The following NLGN1 variants were observed in gnomAD, a reference collection of about 807,000 sequenced individuals.
The protein encoded by NLGN1 is neuroligin 1, also known as neuroligin-1.
A neutral mutation model predicts 65.5 loss-of-function variants in NLGN1; 12 were observed. The observed-to-expected ratio is 0.18, with a 90% CI of 0.12 to 0.30. NLGN1 has a LOEUF of 0.30. Ranked by LOEUF, NLGN1 falls within the 10% of genes least tolerant of loss-of-function variation. The pLI is 1.00. For synonymous variants in NLGN1, 350 were observed against 359.5 expected (o/e 0.97, Z 0.30); for missense variants, 750 against 1,007.1 (o/e 0.74, Z 3.46).
At chr3:173,670,693 G>A in intron 3 of NLGN1, among the ~76,000 whole-genome samples, 1 of 152,128 alleles carries the variant, frequency 6.6e-6, no homozygotes, top group Non-Finnish European at 1.5e-5. Flanking sequence ...TCATCTTCAG[G>A]TACTGGGTTG....
intron 4 of NLGN1, among the ~76,000 whole-genome samples, chr3:174,148,770 A>G (rs1026689859): frequency 1.3e-5 from 2 of 152,150 alleles, no homozygotes; most frequent in African/African-American, 2.4e-5. Context: ...TTATTCATCA[A>G]ATGTTTACTT....
intron 2 of NLGN1, among the ~76,000 whole-genome samples, chr3:173,477,820 G>T (rs757629391): frequency 6.6e-6 from 1 of 151,974 alleles, no homozygotes; most frequent in Non-Finnish European, 1.5e-5. Flanking sequence ...TTTGAATGGG[G>T]TTGTTTTTTT....
At chr3:173,981,801 A>C (rs1246351950) in intron 4 of NLGN1, among the ~76,000 whole-genome samples, 1 of 152,138 alleles carries the variant, frequency 6.6e-6, no homozygotes, top group Non-Finnish European at 1.5e-5. Context: ...TTTATACTTT[A>C]CCATTTAAAA....
chr3:173,941,648 T>C (rs986522734), intron 4 of NLGN1, among the ~76,000 whole-genome samples: 1 of 151,942 alleles, frequency 6.6e-6, no homozygotes, highest in African/African-American at 2.4e-5. Context: ...GGATGGAGAC[T>C]GAGATAGATA....
At chr3:173,676,349 G>A (rs1402445960) in intron 3 of NLGN1, among the ~76,000 whole-genome samples, 1 of 152,108 alleles carries the variant, frequency 6.6e-6, no homozygotes, top group Non-Finnish European at 1.5e-5. Flanking sequence ...AGCCCTAGTA[G>A]TGGAACCAGA....
At chr3:173,887,067 A>G (rs1734475958) in intron 4 of NLGN1, among the ~76,000 whole-genome samples, 1 of 152,088 alleles carries the variant, frequency 6.6e-6, no homozygotes, top group Non-Finnish European at 1.5e-5. Context: ...GTCAGTATTC[A>G]TCATTGCCAT....
intron 4 of NLGN1, among the ~76,000 whole-genome samples, chr3:174,183,160 G>A (rs753043992): frequency 2.0e-5 from 3 of 151,822 alleles, no homozygotes; most frequent in Non-Finnish European, 4.4e-5. Flanking sequence ...GGCACCTCCC[G>A]TCCCCATTGT....
At chr3:173,401,926 A>G (rs929373105) in intron 1 of NLGN1, among the ~76,000 whole-genome samples, 1 of 152,206 alleles carries the variant, frequency 6.6e-6, no homozygotes, top group Non-Finnish European at 1.5e-5. Flanking sequence ...TTAGAAAATA[A>G]ATGGGCAGAA....
At chr3:174,232,395 T>A (rs1740879500) in intron 4 of NLGN1, among the ~76,000 whole-genome samples, 1 of 152,116 alleles carries the variant, frequency 6.6e-6, no homozygotes, top group African/African-American at 2.4e-5. Context: ...TACGTGCAGG[T>A]CACAGGGGAT....
chr3:173,814,938 G>C (rs1718703343), intron 4 of NLGN1, among the ~76,000 whole-genome samples: 1 of 152,064 alleles, frequency 6.6e-6, no homozygotes, highest in Non-Finnish European at 1.5e-5. Context: ...GAAACACAGA[G>C]CAGTTTCCCT....
At chr3:174,189,450 G>A (rs763679086) in intron 4 of NLGN1, among the ~76,000 whole-genome samples, 4 of 151,924 alleles carry the variant, frequency 2.6e-5, no homozygotes, top group Non-Finnish European at 5.9e-5. Flanking sequence ...ATCAGAGAAT[G>A]TTTCCCCAAC....
chr3:173,430,086 G>A (rs979883059), intron 1 of NLGN1, among the ~76,000 whole-genome samples: 1 of 152,168 alleles, frequency 6.6e-6, no homozygotes, highest in African/African-American at 2.4e-5. Flanking sequence ...AACTGGTGAC[G>A]AAACTGTCTG....
Position 173,518,782 on chromosome 3 carries a change from C to T in NLGN1, c.-321+83704C>T, listed in dbSNP as rs181035785. On this transcript the variant is annotated intron_variant, in intron 2 of 6. Coordinates refer to ENST00000457714, the Ensembl canonical transcript of NLGN1. Reference sequence around the variant, plus strand: ...CTTTGAAAAATGTGCAGCCCAGCTACGTGGTAGAAAAGAAAAATCCATTTT... The same window carrying T: ...CTTTGAAAAATGTGCAGCCCAGCTATGTGGTAGAAAAGAAAAATCCATTTT... 2.6e-3 allele frequency among the ~76,000 whole-genome samples: 399 copies of T among 152,060 alleles called. 3 individuals are homozygous for T. The highest frequency in any genetic ancestry group is 6.8e-3 in the Middle Eastern group (2 of 294).
At chr3:173,956,748 A>G (rs1712165474) in intron 4 of NLGN1, among the ~76,000 whole-genome samples, 1 of 152,194 alleles carries the variant, frequency 6.6e-6, no homozygotes, top group South Asian at 2.1e-4. Flanking sequence ...AACAAAGCAT[A>G]ATGATACTGG....
intron 3 of NLGN1, among the ~76,000 whole-genome samples, chr3:173,771,728 G>C (rs1182370987): frequency 1.6e-5 from 1 of 63,608 alleles, no homozygotes; most frequent in Non-Finnish European, 4.1e-5. Flanking sequence ...TAGACTTGTT[G>C]ATTAGTAAGT....
chr3:174,136,105 G>C (rs2152681071), intron 4 of NLGN1, among the ~76,000 whole-genome samples: 1 of 152,168 alleles, frequency 6.6e-6, no homozygotes, highest in East Asian at 1.9e-4. Flanking sequence ...TTTTGAAATT[G>C]CAAGATTGGA....
chr3:173,796,305 C>T (rs371270342), intron 3 of NLGN1, among the ~76,000 whole-genome samples: 5 of 152,108 alleles, frequency 3.3e-5, no homozygotes, highest in East Asian at 3.9e-4. Context: ...TACAGAGAAA[C>T]GCTGATATTT....
chr3:173,700,750 C>A (rs957010153), intron 3 of NLGN1, among the ~76,000 whole-genome samples: 1 of 152,114 alleles, frequency 6.6e-6, no homozygotes, highest in African/African-American at 2.4e-5. Flanking sequence ...TAGGGCAAGA[C>A]AATTATGTAG....
At chr3:173,457,633 T>C (rs898864130) in intron 2 of NLGN1, among the ~76,000 whole-genome samples, 4 of 152,104 alleles carry the variant, frequency 2.6e-5, no homozygotes, top group African/African-American at 9.7e-5. Context: ...TAAATTCTTA[T>C]AGGCAAGCAA....
Sources: allele counts gnomAD v4.1 joint callset (sites outside exome capture counted in the v4.1 genomes callset), GRCh38; gene constraint gnomAD v4.1.1; transcripts MANE v1.5; gene names NCBI Gene and HGNC (gene_info 2026-07-23, HGNC 2026-07-21).